Variants in MYO5B observed in about 807,000 individuals in gnomAD.
The protein encoded by MYO5B is unconventional myosin-Vb.
In MYO5B, 143 loss-of-function variants were observed where a neutral mutation model predicts 229.3. The ratio of observed to expected loss-of-function variants is 0.62; its 90% CI spans 0.54 to 0.72. MYO5B has a LOEUF of 0.72. MYO5B is among the 30% of genes least tolerant of loss of function. MYO5B has a pLI of 0.00. For missense variants in MYO5B, 2,321 were observed against 2,331.0 expected, an observed-to-expected ratio of 1.00 and a Z score of 0.09; for synonymous variants, 918 against 885.2, an observed-to-expected ratio of 1.04 and a Z score of -0.66.
chr18:49,968,553 T>C (rs1023496332), intron 10 of MYO5B, among the ~76,000 whole-genome samples: 2 of 152,228 alleles, frequency 1.3e-5, no homozygotes, highest in African/African-American at 4.8e-5. Context: ...TCTTGTCTCC[T>C]GCTAAATCAC....
intron 1 of MYO5B, among the ~76,000 whole-genome samples, chr18:50,126,294 C>T (rs1169554921): frequency 6.6e-6 from 1 of 152,152 alleles, no homozygotes; most frequent in Non-Finnish European, 1.5e-5. Flanking sequence ...CAGATGTGGG[C>T]ACCCCTGGCC....
rs535921511 is a variant in MYO5B at position 49,916,518 on chromosome 18, C to T, written c.2091-4345G>A. ...GGAGAGCTCCAAAGCTTCCAAAGACCGGAATTCTCTTGTTTCCTGCCTAAG... is the reference window on the plus strand; with the variant it reads ...GGAGAGCTCCAAAGCTTCCAAAGACTGGAATTCTCTTGTTTCCTGCCTAAG... On this transcript the variant is annotated intron_variant, in intron 17 of 39. Coordinates refer to ENST00000285039, the MANE Select transcript of MYO5B (RefSeq NM_001080467.3). 9.2e-5 allele frequency among the ~76,000 whole-genome samples: 14 copies of T among 152,308 alleles called. No individual in the cohort carries two copies. In the South Asian group the frequency reaches 2.3e-3, roughly 25 times the overall value.
chr18:50,172,430 G>T (rs73430397), intron 1 of MYO5B, among the ~76,000 whole-genome samples: 1,735 of 152,180 alleles, frequency 0.011, 26 homozygotes, highest in African/African-American at 0.04. Context: ...GATTCCCAGT[G>T]TATTCCTGAT....
chr18:50,183,891 T>C (rs1271906334), intron 1 of MYO5B, among the ~76,000 whole-genome samples: 2 of 151,984 alleles, frequency 1.3e-5, no homozygotes, highest in Non-Finnish European at 2.9e-5. Context: ...CGACAGTGAG[T>C]TGTTATGACA....
At chr18:50,109,691 G>A (rs2031830838) in intron 1 of MYO5B, among the ~76,000 whole-genome samples, 1 of 152,136 alleles carries the variant, frequency 6.6e-6, no homozygotes, top group African/African-American at 2.4e-5. Flanking sequence ...CTCCCAAAGT[G>A]CTGGGATTAC....
At chr18:50,060,070 C>A (rs572091733) in intron 1 of MYO5B, among the ~76,000 whole-genome samples, 1 of 151,996 alleles carries the variant, frequency 6.6e-6, no homozygotes, top group African/African-American at 2.4e-5. Context: ...CTTTTTGGAG[C>A]GATGAAAGTG....
At chr18:50,036,197 GAT>G (rs1316817399) in intron 4 of MYO5B, among the ~76,000 whole-genome samples, 1 of 152,154 alleles carries the variant, frequency 6.6e-6, no homozygotes, top group African/African-American at 2.4e-5. Flanking sequence ...CCAAAACATT[GAT>G]AAAGCTATCT....
intron 4 of MYO5B, among the ~76,000 whole-genome samples, chr18:50,032,545 G>A (rs767198788): frequency 9.9e-5 from 15 of 152,142 alleles, no homozygotes; most frequent in Non-Finnish European, 1.9e-4. Flanking sequence ...TCAGTTCTCT[G>A]TTCCCTTTTA....
intron 17 of MYO5B, among the ~76,000 whole-genome samples, chr18:49,918,498 C>T (rs540240297): frequency 7.2e-4 from 109 of 152,332 alleles, no homozygotes; most frequent in African/African-American, 2.5e-3. Flanking sequence ...TTAGGTGGGT[C>T]AACCCATCCT....
At chr18:50,059,715 C>T (rs1342935093) in intron 1 of MYO5B, among the ~76,000 whole-genome samples, 3 of 152,210 alleles carry the variant, frequency 2.0e-5, no homozygotes, top group East Asian at 3.9e-4. Flanking sequence ...GCTCTGCCTC[C>T]TCACTTTTAT....
At chr18:50,033,069 CT>C (rs2026408152) in intron 4 of MYO5B, among the ~76,000 whole-genome samples, 1 of 152,076 alleles carries the variant, frequency 6.6e-6, no homozygotes, top group African/African-American at 2.4e-5. Flanking sequence ...TTTTGTTTTA[CT>C]TTTCAAAAAA....
At chr18:50,052,353 C>T (rs1420862580) in intron 2 of MYO5B, among the ~76,000 whole-genome samples, 1 of 147,210 alleles carries the variant, frequency 6.8e-6, no homozygotes, top group African/African-American at 2.5e-5. Context: ...GGCACATATA[C>T]ACCATGAAAT....
In MYO5B at chr18:49,980,645, A is replaced by G. The variant is rs2025804368; in HGVS notation, c.947-92T>C. 1.3e-5 allele frequency: 12 copies of G among 927,250 alleles called. No individual in the cohort carries two copies. In the South Asian group the frequency reaches 1.6e-4, roughly 13 times the overall value. 57.4% of individuals were successfully genotyped at this position (927,250 alleles called of 1,614,324 possible). On this transcript the variant is annotated intron_variant, in intron 8 of 39. Coordinates refer to ENST00000285039, the MANE Select transcript of MYO5B (RefSeq NM_001080467.3). ...TTTTAAGGACATTTTTTTTTTTAAT[A>G]AGGTTTGATTTTTCTTTCTGACCCG...
At chr18:50,000,995 C>G (rs781023792) in intron 5 of MYO5B, among the ~76,000 whole-genome samples, 1 of 152,178 alleles carries the variant, frequency 6.6e-6, no homozygotes, top group East Asian at 1.9e-4. Flanking sequence ...TGGGGAGGGA[C>G]AGTCACTGTC....
intron 1 of MYO5B, among the ~76,000 whole-genome samples, chr18:50,163,968 T>C (rs961343298): frequency 6.7e-6 from 1 of 149,800 alleles, no homozygotes; most frequent in African/African-American, 2.5e-5. Flanking sequence ...AGGAATGTAA[T>C]TCTATTTAAA....
At chr18:49,938,741 G>A (rs532246217) in intron 14 of MYO5B, among the ~76,000 whole-genome samples, 1 of 152,096 alleles carries the variant, frequency 6.6e-6, no homozygotes, top group Non-Finnish European at 1.5e-5. Context: ...TGTCTCATAG[G>A]CACAATGCTC....
intron 1 of MYO5B, among the ~76,000 whole-genome samples, chr18:50,150,963 C>T (rs961091885): frequency 7.9e-5 from 12 of 152,220 alleles, no homozygotes; most frequent in Non-Finnish European, 1.6e-4. Flanking sequence ...AGGCCTCTGC[C>T]CCTAAATGGT....
At chr18:49,943,080 G>A (rs1487894394) in intron 14 of MYO5B, among the ~76,000 whole-genome samples, 3 of 151,928 alleles carry the variant, frequency 2.0e-5, no homozygotes, top group Non-Finnish European at 4.4e-5. Context: ...CATGGATAAA[G>A]CTGGAAACCA....
intron 1 of MYO5B, among the ~76,000 whole-genome samples, chr18:50,066,043 G>T (rs1281953272): frequency 6.6e-6 from 1 of 152,064 alleles, no homozygotes; most frequent in Non-Finnish European, 1.5e-5. Flanking sequence ...AGGTTCTTGG[G>T]GGTCACATTA....
Sources: gnomAD v4.1 joint callset for allele counts (sites outside exome capture counted in the v4.1 genomes callset) on GRCh38, gnomAD v4.1.1 for gene constraint, MANE v1.5 for transcripts, NCBI Gene and HGNC (gene_info 2026-07-23, HGNC 2026-07-21) for gene names.